The following NIBAN2 variants were observed in gnomAD, a reference collection of about 807,000 sequenced individuals.
The protein encoded by NIBAN2 is protein Niban 2.
In NIBAN2, 36 loss-of-function variants were observed where a neutral mutation model predicts 81.8. The observed-to-expected ratio is 0.44, with a 90% CI of 0.34 to 0.58. The LOEUF (loss-of-function observed/expected upper bound fraction) is 0.58. NIBAN2 is among the 20% of genes least tolerant of loss of function. NIBAN2 has a pLI of 0.02. For synonymous variants in NIBAN2, 445 were observed against 441.6 expected, an observed-to-expected ratio of 1.01 and a Z score of -0.10; for missense variants, 897 against 1,014.1, an observed-to-expected ratio of 0.88 and a Z score of 1.57.
At chr9:127,576,090 G>A (rs1398643320) in intron 1 of NIBAN2, among the ~76,000 whole-genome samples, 1 of 152,120 alleles carries the variant, frequency 6.6e-6, no homozygotes, top group Non-Finnish European at 1.5e-5. Context: ...GTCCTCCTTC[G>A]ACATGACATC....
intron 1 of NIBAN2, among the ~76,000 whole-genome samples, chr9:127,552,831 G>A (rs1007336052): frequency 6.6e-6 from 1 of 151,722 alleles, no homozygotes; most frequent in Non-Finnish European, 1.5e-5. Flanking sequence ...TGAGATTACA[G>A]GTGTCCACCA....
chr9:127,511,246 C>A lies in NIBAN2; in HGVS notation c.974-913G>T, dbSNP rs527285267. ...TATTTTTAGTAGAGACAGGGTTTCACCATATTGGCCAGGCTGGTCTCAAAC... is the reference window on the plus strand; with the variant it reads ...TATTTTTAGTAGAGACAGGGTTTCAACATATTGGCCAGGCTGGTCTCAAAC... On this transcript the variant is annotated intron_variant, in intron 8 of 13. Coordinates refer to ENST00000373312, the MANE Select transcript of NIBAN2 (RefSeq NM_022833.4). Among the ~76,000 whole-genome samples, 3 of 152,254 alleles carry A rather than the reference C, an allele frequency of 2.0e-5. No individual in the cohort carries two copies. In the East Asian group the frequency reaches 5.8e-4, roughly 29 times the overall value.
At chr9:127,540,889 G>C (rs1168782273) in intron 1 of NIBAN2, among the ~76,000 whole-genome samples, 2 of 152,218 alleles carry the variant, frequency 1.3e-5, no homozygotes, top group Non-Finnish European at 2.9e-5. Context: ...GCCCAGCCCG[G>C]TTTCAGGGTT....
Position 127,531,646 on chromosome 9 carries a change from AC to A in NIBAN2, c.186+1del, listed in dbSNP as rs765193766. On this transcript the variant is annotated splice_donor_variant, in intron 2 of 13. Coordinates refer to ENST00000373312, the MANE Select transcript of NIBAN2 (RefSeq NM_022833.4). LOFTEE classifies it high-confidence loss of function. ...TACCCGAGCCCTCCCAGCACCTCTC[AC>A]CTTGCGCCAGAGCAGCTGGGCCTGC... 6.2e-7 allele frequency: 1 copy of A among 1,612,606 alleles called. No individual in the cohort carries two copies. The highest frequency in any genetic ancestry group is 8.5e-7 in the Non-Finnish European group (1 of 1,179,906).
chr9:127,512,658 G>A (rs528626450), intron 8 of NIBAN2, among the ~76,000 whole-genome samples: 1 of 152,230 alleles, frequency 6.6e-6, no homozygotes, highest in African/African-American at 2.4e-5. Flanking sequence ...CTGACCACCT[G>A]GGCACATGTC....
chr9:127,564,908 A>G (rs1837832592), intron 1 of NIBAN2, among the ~76,000 whole-genome samples: 1 of 151,992 alleles, frequency 6.6e-6, no homozygotes, highest in Admixed American at 6.6e-5. Context: ...AGCTATTATG[A>G]GCATGTACAG....
intron 1 of NIBAN2, among the ~76,000 whole-genome samples, chr9:127,550,701 G>T (rs1027715806): frequency 5.3e-5 from 8 of 152,104 alleles, no homozygotes; most frequent in Non-Finnish European, 1.0e-4. Context: ...TATAAACCAG[G>T]GCCTCTCCAA....
rs79667013 is a variant in NIBAN2 at position 127,512,539 on chromosome 9, G to A, written c.974-2206C>T. Among the ~76,000 whole-genome samples, 1,394 of 152,160 alleles carry A rather than the reference G, an allele frequency of 9.2e-3. 87 individuals are homozygous for A. The East Asian group carries it at 0.19, about 21-fold the overall frequency. On this transcript the variant is annotated intron_variant, in intron 8 of 13. Transcript: ENST00000373312. ...TGACCTCAAGTGATCCACCCGCCTCGGCCTCCCAGAGTGCTGGGATTACAG... is the reference window on the plus strand; with the variant it reads ...TGACCTCAAGTGATCCACCCGCCTCAGCCTCCCAGAGTGCTGGGATTACAG...
At chr9:127,521,583 C>A (rs1423737597) in intron 5 of NIBAN2, among the ~76,000 whole-genome samples, 1 of 151,012 alleles carries the variant, frequency 6.6e-6, no homozygotes, top group Non-Finnish European at 1.5e-5. Flanking sequence ...CCGGAGTGAG[C>A]AATTCCAGGC....
chr9:127,560,426 C>T (rs139139288), intron 1 of NIBAN2, among the ~76,000 whole-genome samples: 72 of 151,314 alleles, frequency 4.8e-4, no homozygotes, highest in African/African-American at 1.5e-3. Flanking sequence ...GCTGACCCAC[C>T]GGTGCCACTT....
upstream of NIBAN2, among the ~76,000 whole-genome samples, chr9:127,572,831 G>A (rs10117863): frequency 0.26 from 40,097 of 151,918 alleles, 5,574 homozygotes; most frequent in South Asian, 0.33. Context: ...GATTGCTTGA[G>A]GCCAGGAGTT....
In NIBAN2 at chr9:127,563,872, T is replaced by C. The variant is rs1837815024; in HGVS notation, c.55+4948A>G. ...AGCATTATTTGTTTTGCTCAATAAA[T>C]AATTAAGACACCCTTCTTCTCATAT... On this transcript the variant is annotated intron_variant, in intron 1 of 13. Coordinates refer to ENST00000373312, the MANE Select transcript of NIBAN2 (RefSeq NM_022833.4). This position sits in a 1 kb window ranked among gnomAD's most constrained non-coding sequence, Gnocchi z 4.1. 6.6e-6 allele frequency among the ~76,000 whole-genome samples: 1 copy of C among 152,164 alleles called. No individual in the cohort carries two copies. Among genetic ancestry groups the C allele is most frequent in the Admixed American group, 6.5e-5 (1 of 15,280 alleles).
At chr9:127,535,371 G>A (rs1837256454) in intron 1 of NIBAN2, among the ~76,000 whole-genome samples, 1 of 152,248 alleles carries the variant, frequency 6.6e-6, no homozygotes, top group African/African-American at 2.4e-5. Flanking sequence ...GCTGGGCTGG[G>A]GAGGACAAAA....
chr9:127,521,703 G>A (rs527853319), intron 5 of NIBAN2, among the ~76,000 whole-genome samples: 2 of 152,280 alleles, frequency 1.3e-5, no homozygotes, highest in South Asian at 2.1e-4. Flanking sequence ...CCGCCCTGGG[G>A]AGAAGGGGCC....
intron 2 of NIBAN2, among the ~76,000 whole-genome samples, chr9:127,527,832 A>C (rs1440199694): frequency 6.6e-6 from 1 of 152,050 alleles, no homozygotes; most frequent in African/African-American, 2.4e-5. Context: ...GGCAATGATA[A>C]CTTGAACAAG....
chr9:127,523,169 TAAAAAAAAA>T (rs1159040869), intron 5 of NIBAN2, among the ~76,000 whole-genome samples: 1 of 11,334 alleles, frequency 8.8e-5, no homozygotes, highest in African/African-American at 6.1e-4. Context: ...TTGGTGGTTT[TAAAAAAAAA>T]AAAAAAAAAA....
intron 1 of NIBAN2, among the ~76,000 whole-genome samples, chr9:127,535,092 G>A (rs918606446): frequency 7.9e-5 from 12 of 152,194 alleles, no homozygotes; most frequent in Non-Finnish European, 1.8e-4. Context: ...CGGCAGGATG[G>A]GCAGGCTTGG....
At position 127,545,827 on chromosome 9, in the gene NIBAN2, C is replaced by G. The variant is rs1387613712; in HGVS notation, c.56-14049G>C. On this transcript the variant is annotated intron_variant, in intron 1 of 13. Coordinates refer to ENST00000373312, the MANE Select transcript of NIBAN2 (RefSeq NM_022833.4). This position sits in a 1 kb window ranked among gnomAD's most constrained non-coding sequence, Gnocchi z 4.7. Reference sequence around the variant, plus strand: ...CGCCTGGTGGGAGGAAGTCCATTCCCATCTTGACACAAACAGAAGGAAACA... The same window carrying G: ...CGCCTGGTGGGAGGAAGTCCATTCCGATCTTGACACAAACAGAAGGAAACA... 1.3e-5 allele frequency among the ~76,000 whole-genome samples: 2 copies of G among 152,194 alleles called. No individual in the cohort carries two copies. Among genetic ancestry groups the G allele is most frequent in the East Asian group, 3.9e-4 (2 of 5,190 alleles).
intron 1 of NIBAN2, among the ~76,000 whole-genome samples, chr9:127,566,520 C>A (rs112763435): frequency 6.6e-6 from 1 of 152,136 alleles, no homozygotes; most frequent in East Asian, 1.9e-4. Context: ...GCACCGTGGC[C>A]GGGAGCACGC....
Sources: gnomAD v4.1 joint callset for allele counts (sites outside exome capture counted in the v4.1 genomes callset) on GRCh38, gnomAD v4.1.1 for gene constraint, Gnocchi (gnomAD v3.1) non-coding constraint, MANE v1.5 for transcripts, NCBI Gene and HGNC (gene_info 2026-07-23, HGNC 2026-07-21) for gene names.